PLEKHN1: variants seen among roughly 807,000 people sequenced by gnomAD.
The protein encoded by PLEKHN1 is pleckstrin homology domain containing N1.
A neutral mutation model predicts 72.8 loss-of-function variants in PLEKHN1; 68 were observed. The observed-to-expected ratio is 0.93, with a 90% CI of 0.77 to 1.14. The LOEUF (loss-of-function observed/expected upper bound fraction) is 1.14, where lower values mean the gene tolerates loss of function less well. Ranked by LOEUF, PLEKHN1 falls within the 50% of genes most tolerant of loss-of-function variation. The pLI, the probability that PLEKHN1 is intolerant of heterozygous loss-of-function variation, is 0.00. For synonymous variants in PLEKHN1, 454 were observed against 371.6 expected (o/e 1.22, Z -2.55); for missense variants, 1,015 against 840.5 (o/e 1.21, Z -2.57).
rs1642992730 is a variant in PLEKHN1, at chr1:966,631, T to C, written c.83+17T>C. On this transcript the variant is annotated intron_variant, in intron 1 of 15. Coordinates refer to ENST00000379410, the MANE Select transcript of PLEKHN1 (RefSeq NM_032129.3). ...GGGAAACAGGTGAGCGGGGCGTGGG[T>C]GCGGCCACCTGGGCGCAGGGCTCCC... The C allele has an allele frequency of 6.2e-7, 1 of 1,602,292 alleles. No homozygotes were observed. Among genetic ancestry groups the C allele is most frequent in the South Asian group, 1.1e-5 (1 of 90,178 alleles).
intron 8 of PLEKHN1, among the ~76,000 whole-genome samples, 197 bp from the exon 9 acceptor site, chr1:971,878 C>T (rs1643348620): frequency 6.6e-6 from 1 of 152,236 alleles, no homozygotes; most frequent in Non-Finnish European, 1.5e-5. Flanking sequence ...TGCCCCTAGC[C>T]GGCGAAGGCC....
chr1:966,617 G>A lies in PLEKHN1; in HGVS notation c.83+3G>A. 2 of 1,608,626 alleles carry A rather than the reference G, an allele frequency of 1.2e-6. No homozygotes were observed. The highest frequency in any genetic ancestry group is 8.5e-7 in the Non-Finnish European group (1 of 1,177,294). On this transcript the variant is annotated splice_donor_region_variant and intron_variant, in intron 1 of 15. Transcript: ENST00000379410. ...AAGCCCTCGCTGAAGGGAAACAGGT[G>A]AGCGGGGCGTGGGTGCGGCCACCTG...
chr1:967,890 C>A (rs1411932269), intron 2 of PLEKHN1, among the ~76,000 whole-genome samples: 5 of 152,116 alleles, frequency 3.3e-5, no homozygotes, highest in Non-Finnish European at 7.4e-5. Flanking sequence ...CCGTAGTGGT[C>A]CTCCCTTGCC....
At chr1:972,615 A>C in intron 10 of PLEKHN1, among the ~76,000 whole-genome samples, 191 bp downstream of exon 10, 1 of 151,970 alleles carries the variant, frequency 6.6e-6, no homozygotes, top group African/African-American at 2.4e-5. Flanking sequence ...AAAATACAAA[A>C]AAATTAGCCG....
At chr1:966,995 C>T (rs896143375) in intron 2 of PLEKHN1, among the ~76,000 whole-genome samples, 192 bp downstream of exon 2, 6 of 152,194 alleles carry the variant, frequency 3.9e-5, no homozygotes, top group Non-Finnish European at 7.3e-5. Context: ...AGAGCGAAAC[C>T]GCGACGCAGG....
Position 974,059 on chromosome 1 carries a change from G to A in PLEKHN1, c.1653+8G>A. 2 of 1,571,236 alleles carry A rather than the reference G, an allele frequency of 1.3e-6. No homozygotes were observed. The highest frequency in any genetic ancestry group is 8.6e-7 in the Non-Finnish European group (1 of 1,162,122). ...CCAGACGCCCCTCAGCTTGTGAGTA[G>A]CAGCCCCCACGCCCGTGTGCCCCGG... On this transcript the variant is annotated splice_region_variant and intron_variant, in intron 14 of 15. Transcript: ENST00000379410.
chr1:972,967 C>T lies in PLEKHN1; in HGVS notation c.1109C>T (p.Ser370Phe), dbSNP rs760917072. 6 of 1,587,676 alleles carry T rather than the reference C, an allele frequency of 3.8e-6. No individual in the cohort carries two copies. The highest frequency in any genetic ancestry group is 5.1e-6 in the Non-Finnish European group (6 of 1,166,502). Residue 370 changes from serine to phenylalanine, a missense_variant, in exon 11 of 16, where the codon TCC becomes TTC. By Grantham distance (155) the Ser-to-Phe change is radical (BLOSUM62 -2). Coordinates refer to ENST00000379410, the MANE Select transcript of PLEKHN1 (RefSeq NM_032129.3). ...STRTSHSLPESSVPSTVGCSS... is the reference protein window; with the variant it reads ...STRTSHSLPEFSVPSTVGCSS... ...CGCACCAGCCACTCCCTGCCTGAGT[C>T]CTCAGTGCCATCCACCGTGGGCTGC...
Position 972,479 on chromosome 1 carries a change from C to G in PLEKHN1, c.1002+55C>G, listed in dbSNP as rs369432389. Reference sequence around the variant, plus strand: ...GTCCTGGGCAGTGGTAAAAAGGGGGCAGCAGACCGGGCGTGGTGGCGCACG... The same window carrying G: ...GTCCTGGGCAGTGGTAAAAAGGGGGGAGCAGACCGGGCGTGGTGGCGCACG... On this transcript the variant is annotated intron_variant, in intron 10 of 15. Transcript: ENST00000379410. 4.3e-4 allele frequency: 639 copies of G among 1,492,622 alleles called. 8 individuals carry two copies. The South Asian group carries it at 7.3e-3, about 17-fold the overall frequency. The allele number at this position is 1,492,622 out of a possible 1,614,324, so 92.5% of individuals were successfully genotyped here.
At chr1:969,630 G>T (rs1293032636) in intron 2 of PLEKHN1, among the ~76,000 whole-genome samples, 1 of 148,772 alleles carries the variant, frequency 6.7e-6, no homozygotes, top group Admixed American at 6.6e-5. Context: ...CTGTGTATGT[G>T]CAACTGTGTA....
intron 2 of PLEKHN1, among the ~76,000 whole-genome samples, chr1:967,863 T>G (rs1482928647): frequency 6.6e-6 from 1 of 152,140 alleles, no homozygotes; most frequent in East Asian, 1.9e-4. Context: ...GGGGGTCCTA[T>G]GAGGTGTGGT....
Position 971,341 on chromosome 1 carries a change from C to T in PLEKHN1, c.726C>T (p.Leu242=), listed in dbSNP as rs1643318447. Residue 242 remains leucine (L), a synonymous_variant, in exon 8 of 16, where the codon CTC becomes CTT. Transcript: ENST00000379410. ...CCACCCAGGAGCAGTGGGACCGGCT[C>T]TTGGTCCTGTACCCAACGTCCTTGG... The part of the protein sequence containing the change: ...HLPAQEQWDR[L]LVLYPTSLAI... 1 of 1,583,262 alleles carries T rather than the reference C, an allele frequency of 6.3e-7. No individual in the cohort carries two copies. Among genetic ancestry groups the T allele is most frequent in the Non-Finnish European group, 8.6e-7 (1 of 1,165,148 alleles).
Position 972,090 on chromosome 1 carries a change from C to A in PLEKHN1, c.805C>A (p.Arg269Ser), listed in dbSNP as rs745992441. The change falls in exon 9 of 16, where the codon CGT becomes AGT. Residue 269 changes from arginine (R) to serine (S), a missense_variant. By Grantham distance (110) the Arg-to-Ser change is moderately radical. Coordinates refer to ENST00000379410, the MANE Select transcript of PLEKHN1 (RefSeq NM_032129.3). The part of the protein sequence containing the change: ...GLCFKGELPL[R>S]AVHINLEEKE... ...TGCTCCGCAGGGGGAGCTCCCACTC[C>A]GTGCCGTCCACATCAACCTGGAGGA... 2.5e-6 allele frequency: 4 copies of A among 1,612,850 alleles called. No homozygotes were observed. The highest frequency in any genetic ancestry group is 2.7e-5 in the African/African-American group (2 of 74,944).
chr1:969,654 G>A (rs1643192227), intron 2 of PLEKHN1, among the ~76,000 whole-genome samples: 1 of 131,654 alleles, frequency 7.6e-6, no homozygotes, highest in African/African-American at 3.5e-5. Context: ...GTGCACGTGT[G>A]TATCCATGCA....
At position 970,618 on chromosome 1, in the gene PLEKHN1, T is replaced by C. The variant is rs1643264366; in HGVS notation, c.411+17T>C. The stretch of plus-strand genomic sequence containing the variant: ...ACATTTCAGGTGAGGCGGTGGGCAA[T>C]GGGGTGGGGCCATGGCCGCCCTTCC... On this transcript the variant is annotated intron_variant, in intron 4 of 15. Coordinates refer to ENST00000379410, the MANE Select transcript of PLEKHN1 (RefSeq NM_032129.3). This position sits in a 1 kb window ranked among gnomAD's most constrained non-coding sequence, Gnocchi z 4.2. 6 of 1,610,894 alleles carry C rather than the reference T, an allele frequency of 3.7e-6. No homozygotes were observed. The highest frequency in any genetic ancestry group is 5.1e-6 in the Non-Finnish European group (6 of 1,178,828).
intron 2 of PLEKHN1, among the ~76,000 whole-genome samples, chr1:969,697 T>A (rs1447372907): frequency 2.0e-5 from 3 of 152,090 alleles, no homozygotes; most frequent in African/African-American, 4.8e-5. Flanking sequence ...TGTGTATAAG[T>A]GCGTATGTGT....
chr1:967,078 G>A (rs1643037732), intron 2 of PLEKHN1, among the ~76,000 whole-genome samples: 1 of 152,356 alleles, frequency 6.6e-6, no homozygotes, highest in South Asian at 2.1e-4. Context: ...TCCCGCAGGG[G>A]ACCAGCGCAC....
rs114241396 is a variant in PLEKHN1, at chr1:974,884, G to A, written c.*309G>A. 4.3e-3 allele frequency: 1,746 copies of A among 410,076 alleles called. 26 individuals carry two copies. Among genetic ancestry groups the A allele is most frequent in the African/African-American group, 0.031 (1,586 of 50,382 alleles). 25.4% of individuals were successfully genotyped at this position (410,076 alleles called of 1,614,324 possible). On this transcript the variant is annotated 3_prime_UTR_variant, in exon 16 of 16. Transcript: ENST00000379410. Reference sequence around the variant, plus strand: ...CCGCCAGGAGTCAGGGAGGAGACTCGCTGGGAGTGGGAGGGCAGCACGGGC... The same window carrying A: ...CCGCCAGGAGTCAGGGAGGAGACTCACTGGGAGTGGGAGGGCAGCACGGGC...
rs764548601 is a variant in PLEKHN1, at chr1:972,076, G to T, written c.791G>T (p.Gly264Val). 1.2e-6 allele frequency: 2 copies of T among 1,612,696 alleles called. No individual in the cohort carries two copies. Among genetic ancestry groups the T allele is most frequent in the South Asian group, 1.1e-5 (1 of 91,058 alleles). Residue 264 changes from glycine (G) to valine (V), a missense_variant and splice_region_variant, in exon 9 of 16, where the codon GGG becomes GTG. Physicochemically the swap from Gly to Val is moderately radical, Grantham distance 109. Transcript: ENST00000379410. ...TGGCCCTCAATCTCTGCTCCGCAGG[G>T]GGAGCTCCCACTCCGTGCCGTCCAC... Reference protein sequence around the residue: ...SEELDGLCFKGELPLRAVHIN... With the variant: ...SEELDGLCFKVELPLRAVHIN...
In PLEKHN1 at chr1:971,359, G is replaced by T; in HGVS notation, c.744G>T (p.Thr248=). 1 of 1,525,604 alleles carries T rather than the reference G, an allele frequency of 6.6e-7. No individual in the cohort carries two copies. The highest frequency in any genetic ancestry group is 1.2e-5 in the South Asian group (1 of 86,538). The allele number at this position is 1,525,604 out of a possible 1,614,324, so 94.5% of individuals were successfully genotyped here. Reference sequence around the variant, plus strand: ...ACCGGCTCTTGGTCCTGTACCCAACGTCCTTGGCCATTTTCTCCGAGGAGC... The same window carrying T: ...ACCGGCTCTTGGTCCTGTACCCAACTTCCTTGGCCATTTTCTCCGAGGAGC... ...QWDRLLVLYP[T]SLAIFSEELD... Residue 248 remains threonine (T), a synonymous_variant, in exon 8 of 16, where the codon ACG becomes ACT. Transcript: ENST00000379410.
Sources: gnomAD v4.1 joint callset for allele counts (sites outside exome capture counted in the v4.1 genomes callset) on GRCh38, gnomAD v4.1.1 for gene constraint, Gnocchi (gnomAD v3.1) non-coding constraint, MANE v1.5 for transcripts, NCBI Gene and HGNC (gene_info 2026-07-23, HGNC 2026-07-21) for gene names.